Variants in WDFY4 observed in about 807,000 individuals in gnomAD.
WDFY4 encodes the protein WD repeat- and FYVE domain-containing protein 4.
Under a neutral mutation model 351.9 loss-of-function variants are expected in WDFY4, and 169 were observed. The observed-to-expected ratio is 0.48, with a 90% CI of 0.42 to 0.55. WDFY4 has a LOEUF of 0.55. Among genes scored for constraint, WDFY4 ranks in the 20% least tolerant of loss-of-function variants. The pLI, the probability that WDFY4 is intolerant of heterozygous loss-of-function variation, is 0.00. For synonymous variants in WDFY4, 1,622 were observed against 1,574.6 expected (o/e 1.03, Z -0.71); for missense variants, 3,803 against 3,935.6 (o/e 0.97, Z 0.90).
chr10:48,804,673 T>C, intron 25 of WDFY4: 1 of 976,038 alleles, frequency 1.0e-6, no homozygotes, highest in Non-Finnish European at 1.2e-6. Flanking sequence ...TTTGTTCCTG[T>C]ACCTGTACCA....
chr10:48,745,606 T>C, intron 12 of WDFY4: 1 of 527,320 alleles, frequency 1.9e-6, no homozygotes, highest in South Asian at 1.7e-5. Flanking sequence ...TTTGGCCTGT[T>C]TCTGCAGCCT....
chr10:48,838,338 T>C (rs970562507), intron 39 of WDFY4, among the ~76,000 whole-genome samples: 8 of 152,152 alleles, frequency 5.3e-5, no homozygotes, highest in African/African-American at 1.4e-4. Context: ...AGGGCACTTA[T>C]GTGGGCAGGG....
chr10:48,767,694 C>A (rs537938521), intron 13 of WDFY4, among the ~76,000 whole-genome samples: 1 of 152,294 alleles, frequency 6.6e-6, no homozygotes, highest in Non-Finnish European at 1.5e-5. Flanking sequence ...TCAGCAGAGA[C>A]AATGAGGCCT....
Position 48,780,010 on chromosome 10 carries a change from T to A in WDFY4, c.3467T>A (p.Leu1156His). 6.4e-7 allele frequency: 1 copy of A among 1,551,828 alleles called. No homozygotes were observed. The highest frequency in any genetic ancestry group is 8.7e-7 in the Non-Finnish European group (1 of 1,147,040). The change falls in exon 19 of 62, where the codon CTC (leucine) becomes CAC (histidine). Residue 1156 changes from leucine to histidine, a missense_variant. This residue lies in a region of WDFY4 where 3,054 missense variants were observed against 3,148.6 expected (regional missense o/e 0.97). Coordinates refer to ENST00000325239, the MANE Select transcript of WDFY4 (RefSeq NM_001394531.1). The stretch of plus-strand genomic sequence containing the variant: ...CAGCTTCAGGTCAGGTGTGGCCAGC[T>A]CCTGGCTTGTGGTCAGTGGCATCAC... ...GCQLQVRCGQ[L>H]LACGQWHHLA...
intron 61 of WDFY4, 88 bp downstream of exon 61, chr10:48,981,566 C>A: frequency 7.6e-7 from 1 of 1,309,944 alleles, no homozygotes; most frequent in African/African-American, 1.5e-5. Context: ...GTCCAGGCCA[C>A]CTGGCCGAGG....
At chr10:48,966,432 C>G in intron 54 of WDFY4, 94 bp from the exon 55 acceptor site, 1 of 1,372,626 alleles carries the variant, frequency 7.3e-7, no homozygotes, top group African/African-American at 1.5e-5. Context: ...GCTGTGGCAA[C>G]CCCCAGAGAC....
chr10:48,891,439 T>C (rs542522432), intron 44 of WDFY4, among the ~76,000 whole-genome samples: 6 of 152,396 alleles, frequency 3.9e-5, no homozygotes, highest in African/African-American at 1.4e-4. Flanking sequence ...CAAAATCAAA[T>C]TGACTGAGCT....
At chr10:48,779,004 G>A (rs565992447) in intron 18 of WDFY4, among the ~76,000 whole-genome samples, 172 bp downstream of exon 18, 1 of 152,358 alleles carries the variant, frequency 6.6e-6, no homozygotes, top group East Asian at 1.9e-4. Context: ...AATATTTGTT[G>A]TGGTTCACTG....
At chr10:48,686,218 C>T (rs975750425) in intron 1 of WDFY4, among the ~76,000 whole-genome samples, 3 of 150,966 alleles carry the variant, frequency 2.0e-5, no homozygotes, top group Non-Finnish European at 4.4e-5. Context: ...CAGTGGTTCA[C>T]GCCTGTAATC....
intron 39 of WDFY4, among the ~76,000 whole-genome samples, chr10:48,847,682 A>G (rs958717700): frequency 2.0e-5 from 3 of 152,316 alleles, no homozygotes; most frequent in South Asian, 4.1e-4. Context: ...GACACCCACA[A>G]AGGAAAGCAG....
At chr10:48,973,920 C>A (rs541276414) in intron 57 of WDFY4, among the ~76,000 whole-genome samples, 2 of 152,296 alleles carry the variant, frequency 1.3e-5, no homozygotes, top group African/African-American at 2.4e-5. Context: ...ACTCGAAAAG[C>A]CCCATCTTTT....
At chr10:48,929,954 T>C (rs1298671626) in intron 47 of WDFY4, among the ~76,000 whole-genome samples, 1 of 152,116 alleles carries the variant, frequency 6.6e-6, no homozygotes, top group Non-Finnish European at 1.5e-5. Context: ...TCCAATAGCA[T>C]CTGGCATCTA....
intron 1 of WDFY4, among the ~76,000 whole-genome samples, chr10:48,703,029 G>C (rs769641689): frequency 8.5e-5 from 13 of 152,206 alleles, no homozygotes; most frequent in Non-Finnish European, 1.5e-4. Flanking sequence ...TGTGAACGCT[G>C]TTCATAGTAC....
intron 23 of WDFY4, among the ~76,000 whole-genome samples, chr10:48,792,832 A>G (rs1311677160): frequency 1.3e-5 from 2 of 152,180 alleles, no homozygotes; most frequent in Non-Finnish European, 2.9e-5. Context: ...GAAAGCTCAG[A>G]CTACCTCAGG....
intron 54 of WDFY4, among the ~76,000 whole-genome samples, chr10:48,965,809 A>AGATATAGATTATATCTGTATCAGTTT: frequency 6.6e-6 from 1 of 152,268 alleles, no homozygotes; most frequent in Admixed American, 6.5e-5. Flanking sequence ...TGTATCAGTT[A>AGATATAGATTATATCTGTATCAGTTT]GATATAGATT....
chr10:48,962,205 A>G (rs949991846), intron 53 of WDFY4, among the ~76,000 whole-genome samples: 1 of 152,210 alleles, frequency 6.6e-6, no homozygotes, highest in African/African-American at 2.4e-5. Context: ...TTCATGAGGT[A>G]TACCCCAAGC....
At chr10:48,759,491 C>T (rs1292608415) in intron 12 of WDFY4, among the ~76,000 whole-genome samples, 2 of 152,154 alleles carry the variant, frequency 1.3e-5, no homozygotes, top group African/African-American at 2.4e-5. Context: ...GACTACAGGT[C>T]CTCTGGTCAG....
At chr10:48,774,931 G>A (rs1463600134) in intron 14 of WDFY4, among the ~76,000 whole-genome samples, 7 of 152,182 alleles carry the variant, frequency 4.6e-5, no homozygotes, top group African/African-American at 1.7e-4. Context: ...GCTGCATTCC[G>A]AGGCCTGTAG....
At position 48,922,667 on chromosome 10, in the gene WDFY4, A is replaced by G. The variant is rs1400139065; in HGVS notation, c.7587-19139A>G. ...AGGTATTCAATGGGGGTCTTAGAACATATCACCTGTGGGTAAGCGAGGACT... is the reference window on the plus strand; with the variant it reads ...AGGTATTCAATGGGGGTCTTAGAACGTATCACCTGTGGGTAAGCGAGGACT... On this transcript the variant is annotated intron_variant, in intron 47 of 61. Coordinates refer to ENST00000325239, the MANE Select transcript of WDFY4 (RefSeq NM_001394531.1). Among the ~76,000 whole-genome samples, 5 of 152,348 alleles carry G rather than the reference A, an allele frequency of 3.3e-5. No homozygotes were observed. In the South Asian group the frequency reaches 6.2e-4, roughly 19 times the overall value.
Sources: gnomAD v4.1 joint callset for allele counts (sites outside exome capture counted in the v4.1 genomes callset) on GRCh38, gnomAD v4.1.1 for gene constraint, gnomAD v4.1.1 regional missense constraint, MANE v1.5 for transcripts, NCBI Gene and HGNC (gene_info 2026-07-23, HGNC 2026-07-21) for gene names.